Variants in ABCA10 observed in about 807,000 individuals in gnomAD.
ABCA10 encodes ATP-binding cassette sub-family A member 10.
ABCA10 carries 169 observed loss-of-function variants against 187.5 expected under a neutral mutation model. The observed-to-expected ratio is 0.90, with a 90% CI of 0.80 to 1.02. The LOEUF is 1.02. ABCA10 is among the 50% of genes least tolerant of loss of function. The pLI, the probability that ABCA10 is intolerant of heterozygous loss-of-function variation, is 0.00. For missense variants in ABCA10, 1,727 were observed against 1,812.4 expected, an observed-to-expected ratio of 0.95 and a Z score of 0.86; for synonymous variants, 574 against 601.8, an observed-to-expected ratio of 0.95 and a Z score of 0.68.
chr17:69,174,514 C>CA, intron 24 of ABCA10, 93 bp downstream of exon 24: 1 of 1,457,038 alleles, frequency 6.9e-7, no homozygotes, highest in East Asian at 2.3e-5. Context: ...TTGCATATTA[C>CA]ATGCCTTTTG....
chr17:69,209,823 G>C (rs543775840), intron 9 of ABCA10, among the ~76,000 whole-genome samples: 1 of 152,248 alleles, frequency 6.6e-6, no homozygotes, highest in Non-Finnish European at 1.5e-5. Flanking sequence ...AACCTGTACA[G>C]CATGTTACTG....
intron 1 of ABCA10, chr17:69,234,075 C>T (rs1369042643): frequency 2.0e-5 from 3 of 152,844 alleles, no homozygotes; most frequent in African/African-American, 7.2e-5. Flanking sequence ...AGCTGGCAAG[C>T]CTATCTTATT....
At chr17:69,211,390 C>T (rs181217740) in intron 9 of ABCA10, among the ~76,000 whole-genome samples, 4 of 144,010 alleles carry the variant, frequency 2.8e-5, no homozygotes, top group Non-Finnish European at 3.0e-5. Flanking sequence ...TTTATCCACT[C>T]GTTGGTTGAT....
At chr17:69,166,562 T>C (rs1189962852) in intron 25 of ABCA10, among the ~76,000 whole-genome samples, 1 of 152,202 alleles carries the variant, frequency 6.6e-6, no homozygotes, top group South Asian at 2.1e-4. Flanking sequence ...CTTTTATACC[T>C]ATAGGCTTTA....
Position 69,153,905 on chromosome 17 carries a change from T to C in ABCA10, c.3891A>G (p.Thr1297=), listed in dbSNP as rs770470255. Residue 1297 remains threonine (T), a synonymous_variant, in exon 32 of 39, where the codon ACA becomes ACG. Coordinates refer to ENST00000690296, the MANE Select transcript of ABCA10 (RefSeq NM_001377321.1). ...PQENSLWPKL[T]MKEHLELYAA... ...CATACAACTCCAAGTGCTCTTTCAT[T>C]GTAAGCTTGGGCCACAGTGAGTTCT... 15 of 1,614,004 alleles carry C rather than the reference T, an allele frequency of 9.3e-6. No homozygotes were observed. The South Asian group carries it at 1.3e-4, about 14-fold the overall frequency.
intron 34 of ABCA10, among the ~76,000 whole-genome samples, chr17:69,152,707 A>C (rs530129083): frequency 6.6e-6 from 1 of 152,078 alleles, no homozygotes; most frequent in Non-Finnish European, 1.5e-5. Flanking sequence ...GGATCACTTA[A>C]GCCCAGGAGG....
At chr17:69,241,460 C>G (rs1292737775) in intron 1 of ABCA10, among the ~76,000 whole-genome samples, 1 of 152,182 alleles carries the variant, frequency 6.6e-6, no homozygotes, top group African/African-American at 2.4e-5. Context: ...CACCTCTACT[C>G]AAAACCCTCC....
At position 69,214,779 on chromosome 17, in the gene ABCA10, C is replaced by A; in HGVS notation, c.931G>T (p.Ala311Ser). Residue 311 changes from alanine (A) to serine (S), a missense_variant, in exon 9 of 39, where the codon GCC (alanine) becomes TCC (serine). Coordinates refer to ENST00000690296, the MANE Select transcript of ABCA10 (RefSeq NM_001377321.1). ...TCAAATGCCAAAATGAAAAAAGTGGCTATCATTTTGTATGAATCCCCAGAG... is the reference window on the plus strand; with the variant it reads ...TCAAATGCCAAAATGAAAAAAGTGGATATCATTTTGTATGAATCCCCAGAG... Reference protein sequence around the residue: ...DPSGDSYKMIATFFILAFDTL... With the variant: ...DPSGDSYKMISTFFILAFDTL... 1 of 1,508,636 alleles carries A rather than the reference C, an allele frequency of 6.6e-7. No individual in the cohort carries two copies. The highest frequency in any genetic ancestry group is 1.3e-5 in the South Asian group (1 of 76,858). The allele number at this position is 1,508,636 out of a possible 1,614,324, so 93.5% of individuals were successfully genotyped here.
intron 20 of ABCA10, among the ~76,000 whole-genome samples, chr17:69,184,880 T>TATAC (rs1555660282): frequency 2.1e-5 from 3 of 144,454 alleles, no homozygotes; most frequent in African/African-American, 5.2e-5. Context: ...TGTATATATA[T>TATAC]ACACACACAC....
intron 1 of ABCA10, among the ~76,000 whole-genome samples, chr17:69,239,236 T>C (rs552581387): frequency 1.7e-4 from 26 of 152,258 alleles, no homozygotes; most frequent in African/African-American, 6.3e-4. Flanking sequence ...CTGTGTTTCT[T>C]AGCTGGCAAT....
chr17:69,169,240 GCTAT>G (rs907809609), intron 25 of ABCA10, among the ~76,000 whole-genome samples: 2 of 152,136 alleles, frequency 1.3e-5, no homozygotes, highest in African/African-American at 2.4e-5. Flanking sequence ...AAAACCTGGG[GCTAT>G]CTAACTCTAG....
intron 3 of ABCA10, among the ~76,000 whole-genome samples, chr17:69,224,363 G>C (rs2074775509): frequency 2.0e-5 from 3 of 152,148 alleles, no homozygotes; most frequent in Admixed American, 2.0e-4. Flanking sequence ...CCAATGTTCA[G>C]AACCCTGGCA....
rs1231347417 is a variant in ABCA10, at chr17:69,164,973, T to C, written c.3273A>G (p.Leu1091=). The change falls in exon 26 of 39, where the codon TTA becomes TTG. Residue 1091 remains leucine, a synonymous_variant. Coordinates refer to ENST00000690296, the MANE Select transcript of ABCA10 (RefSeq NM_001377321.1). ...PSFTLLGYVM[L]LIQLDFMRNL... The stretch of plus-strand genomic sequence containing the variant: ...AGGTAACACTGCTTACCTGGATCAA[T>C]AACATGACATACCCCAGCAAAGTGA... 9 of 1,612,900 alleles carry C rather than the reference T, an allele frequency of 5.6e-6. No individual in the cohort carries two copies. The highest frequency in any genetic ancestry group is 7.6e-6 in the Non-Finnish European group (9 of 1,179,306).
chr17:69,241,371 T>C (rs1195409307), intron 1 of ABCA10, among the ~76,000 whole-genome samples: 1 of 152,202 alleles, frequency 6.6e-6, no homozygotes, highest in Non-Finnish European at 1.5e-5. Context: ...AACAGGTCTC[T>C]TGTGCTCTGT....
chr17:69,227,114 G>GATATATAGAT (rs2074800153), intron 2 of ABCA10, 31 bp downstream of exon 2: 2 of 137,438 alleles, frequency 1.5e-5, no homozygotes. Context: ...ATTAATTATG[G>GATATATAGAT]ATATATATAT....
chr17:69,215,905 T>C lies in ABCA10; in HGVS notation c.768A>G (p.Gly256=). 1 of 1,613,810 alleles carries C rather than the reference T, an allele frequency of 6.2e-7. No individual in the cohort carries two copies. The highest frequency in any genetic ancestry group is 8.5e-7 in the Non-Finnish European group (1 of 1,179,812). ...FLFTVFWGCL[G]FTVLYRQLPL... is the part of the protein sequence containing the mutation. ...GAAGTTGTCTATATAACACAGTGAA[T>C]CCCAGACATCCCCAAAATACAGTGA... The change falls in exon 8 of 39, where the codon GGA becomes GGG. Residue 256 remains glycine, a synonymous_variant. Coordinates refer to ENST00000690296, the MANE Select transcript of ABCA10 (RefSeq NM_001377321.1).
rs1156988709 is a variant in ABCA10 at position 69,177,988 on chromosome 17, A to ATC, written c.2770-2476_2770-2475insGA. Among the ~76,000 whole-genome samples the ATC allele has an allele frequency of 2.4e-4, 33 of 135,732 alleles. 1 individual carries two copies. Among genetic ancestry groups the ATC allele is most frequent in the African/African-American group, 7.5e-4 (29 of 38,478 alleles). The allele number at this position is 135,732 out of a possible 152,430, so 89.0% of individuals were successfully genotyped here. A position where few individuals can be genotyped will look rare whatever the true frequency, so the allele number is the denominator to read the frequency against. On this transcript the variant is annotated intron_variant, in intron 22 of 38. Coordinates refer to ENST00000690296, the MANE Select transcript of ABCA10 (RefSeq NM_001377321.1). ...AAAAAAAAAAAATATATATATATAT[A>ATC]TATGTTATATATATATATAGTGAAA... is the stretch of plus-strand genomic sequence containing the variant.
At chr17:69,235,922 T>A (rs2074867025) in intron 1 of ABCA10, among the ~76,000 whole-genome samples, 1 of 152,222 alleles carries the variant, frequency 6.6e-6, no homozygotes, top group Admixed American at 6.5e-5. Context: ...AATTGTACAT[T>A]GTAAATTCTT....
chr17:69,224,627 A>G (rs2074778488), intron 3 of ABCA10, among the ~76,000 whole-genome samples: 2 of 151,550 alleles, frequency 1.3e-5, no homozygotes, highest in South Asian at 4.2e-4. Context: ...TTAATGCAGC[A>G]TCCTACATAA....
Sources: allele counts gnomAD v4.1 joint callset (sites outside exome capture counted in the v4.1 genomes callset), GRCh38; gene constraint gnomAD v4.1.1; transcripts MANE v1.5; gene names NCBI Gene and HGNC (gene_info 2026-07-23, HGNC 2026-07-21).